ZNRF1: variants seen among roughly 807,000 people sequenced by gnomAD.
The protein encoded by ZNRF1 is E3 ubiquitin-protein ligase ZNRF1.
In ZNRF1, 3 loss-of-function variants were observed where a neutral mutation model predicts 18.4. The ratio of observed to expected loss-of-function variants is 0.16; its 90% CI spans 0.07 to 0.42. The LOEUF is 0.42. Among genes scored for constraint, ZNRF1 ranks in the 10% least tolerant of loss-of-function variants. The probability of loss-of-function intolerance (pLI) is 0.99; values close to 1 mark genes in which losing one functional copy is unlikely to be tolerated. For missense variants in ZNRF1, 310 were observed against 329.8 expected (o/e 0.94, Z 0.47); for synonymous variants, 157 against 144.2 (o/e 1.09, Z -0.64).
rs760266963 is a variant in ZNRF1, at chr16:74,999,859, C to T, written c.188C>T (p.Thr63Met). 13 of 1,511,324 alleles carry T rather than the reference C, an allele frequency of 8.6e-6. No homozygotes were observed. The highest frequency in any genetic ancestry group is 1.1e-5 in the Non-Finnish European group (12 of 1,134,126). The allele number at this position is 1,511,324 out of a possible 1,614,324, so 93.6% of individuals were successfully genotyped here. A position where few individuals can be genotyped will look rare whatever the true frequency, so the allele number is the denominator to read the frequency against. The change falls in exon 1 of 5, where the codon ACG becomes ATG. Residue 63 changes from threonine (T) to methionine (M), a missense_variant. This residue lies in a region of ZNRF1 where 293 missense variants were observed against 291.2 expected (regional missense o/e 1.01). Transcript: ENST00000335325. ...GCAGGCATGGGCATGGACCCCAGCA[C>T]GGCCGGGGGGGTGCCCTTTGGCCTC... ...SVAGMGMDPS[T>M]AGGVPFGLYT...
At chr16:75,070,491 C>T (rs2035857758) in intron 1 of ZNRF1, among the ~76,000 whole-genome samples, 1 of 152,206 alleles carries the variant, frequency 6.6e-6, no homozygotes, top group Admixed American at 6.5e-5. Context: ...TCTTTAGCAT[C>T]CACATCCACA....
intron 1 of ZNRF1, among the ~76,000 whole-genome samples, chr16:75,070,343 C>T (rs1286547578): frequency 6.6e-6 from 1 of 152,188 alleles, no homozygotes; most frequent in African/African-American, 2.4e-5. Context: ...TTCGACTCCT[C>T]CCAATCCATT....
intron 2 of ZNRF1, among the ~76,000 whole-genome samples, chr16:75,098,230 C>T (rs1022494853): frequency 3.9e-5 from 6 of 152,044 alleles, no homozygotes; most frequent in Admixed American, 1.3e-4. Flanking sequence ...GTATGAGGAG[C>T]GAAAGCGACT....
At chr16:75,004,821 G>A (rs2034897730) in intron 1 of ZNRF1, among the ~76,000 whole-genome samples, 1 of 152,066 alleles carries the variant, frequency 6.6e-6, no homozygotes, top group Non-Finnish European at 1.5e-5. Flanking sequence ...TCACTATGTT[G>A]CCTAGGCTGG....
At chr16:75,003,991 T>C (rs2034886754) in intron 1 of ZNRF1, among the ~76,000 whole-genome samples, 1 of 151,518 alleles carries the variant, frequency 6.6e-6, no homozygotes, top group Admixed American at 6.6e-5. Context: ...GACAGGGTCT[T>C]ATTCTGTCAC....
chr16:75,096,944 G>C (rs1400731208), intron 2 of ZNRF1, among the ~76,000 whole-genome samples: 1 of 152,120 alleles, frequency 6.6e-6, no homozygotes, highest in Non-Finnish European at 1.5e-5. Flanking sequence ...GGAAGTTTGG[G>C]AATGTGCTGA....
In ZNRF1 at chr16:75,107,784, G is replaced by A; in HGVS notation, c.*84G>A. 1 of 456,520 alleles carries A rather than the reference G, an allele frequency of 2.2e-6. No individual in the cohort carries two copies. The highest frequency in any genetic ancestry group is 1.5e-5 in the South Asian group (1 of 64,560). The allele number at this position is 456,520 out of a possible 1,614,324, so 28.3% of individuals were successfully genotyped here. On this transcript the variant is annotated 3_prime_UTR_variant, in exon 5 of 5. Coordinates refer to ENST00000335325, the MANE Select transcript of ZNRF1 (RefSeq NM_032268.5). Reference sequence around the variant, plus strand: ...GAGGCTCACCGGACCCTGGGGCAGAGCTGAGCTTGGGACACCAGCGGGAAC... The same window carrying A: ...GAGGCTCACCGGACCCTGGGGCAGAACTGAGCTTGGGACACCAGCGGGAAC...
intron 1 of ZNRF1, among the ~76,000 whole-genome samples, chr16:75,047,513 G>A (rs971038294): frequency 6.6e-5 from 10 of 152,212 alleles, no homozygotes; most frequent in Non-Finnish European, 1.3e-4. Flanking sequence ...CCACGTTTCC[G>A]TGGTTAGAAA....
At chr16:75,048,307 C>T (rs1252411262) in intron 1 of ZNRF1, among the ~76,000 whole-genome samples, 1 of 152,134 alleles carries the variant, frequency 6.6e-6, no homozygotes. Context: ...ACCCCGATGA[C>T]CTCATTTTTA....
chr16:75,097,107 G>A (rs371369982), intron 2 of ZNRF1, among the ~76,000 whole-genome samples: 15 of 152,252 alleles, frequency 9.9e-5, no homozygotes, highest in African/African-American at 1.7e-4. Context: ...GGATCAACCC[G>A]AATGGGCCTT....
chr16:75,057,427 A>C (rs1011553955), intron 1 of ZNRF1, among the ~76,000 whole-genome samples: 23 of 152,132 alleles, frequency 1.5e-4, no homozygotes, highest in African/African-American at 5.6e-4. Context: ...AAAGCTCCTT[A>C]AGAAGCAATT....
chr16:75,021,264 C>T (rs1238904676), intron 1 of ZNRF1, among the ~76,000 whole-genome samples: 1 of 152,130 alleles, frequency 6.6e-6, no homozygotes. Context: ...GTCTCAAACT[C>T]CTGACCTCAA....
chr16:75,044,835 A>G (rs957868911), intron 1 of ZNRF1, among the ~76,000 whole-genome samples: 1 of 152,262 alleles, frequency 6.6e-6, no homozygotes, highest in Non-Finnish European at 1.5e-5. Flanking sequence ...GTGAAGTAAC[A>G]TAATATGTTA....
At chr16:75,078,644 C>T (rs1447238068) in intron 1 of ZNRF1, among the ~76,000 whole-genome samples, 1 of 152,058 alleles carries the variant, frequency 6.6e-6, no homozygotes, top group Non-Finnish European at 1.5e-5. Context: ...GTTTCTGATG[C>T]CAATATTCTG....
At chr16:75,026,621 A>G (rs1050469274) in intron 1 of ZNRF1, among the ~76,000 whole-genome samples, 1 of 152,184 alleles carries the variant, frequency 6.6e-6, no homozygotes, top group Non-Finnish European at 1.5e-5. Context: ...AACAAAGTAG[A>G]TCGTAACAGT....
intron 1 of ZNRF1, among the ~76,000 whole-genome samples, chr16:75,046,383 C>G (rs957571128): frequency 2.0e-5 from 3 of 151,748 alleles, no homozygotes; most frequent in Admixed American, 2.0e-4. Context: ...TCCCAAGTAG[C>G]TGGGATTACA....
At chr16:75,061,802 C>G (rs536999029) in intron 1 of ZNRF1, among the ~76,000 whole-genome samples, 1 of 152,198 alleles carries the variant, frequency 6.6e-6, no homozygotes, top group Non-Finnish European at 1.5e-5. Flanking sequence ...CACAATGAGT[C>G]GTCTTGTCAG....
chr16:75,016,389 C>A (rs956777820), intron 1 of ZNRF1, among the ~76,000 whole-genome samples: 1 of 149,816 alleles, frequency 6.7e-6, no homozygotes, highest in African/African-American at 2.5e-5. Context: ...CAGGCACACG[C>A]CACCACACCC....
At chr16:75,106,328 T>C (rs1234570015) in intron 3 of ZNRF1, 154 bp from the exon 4 acceptor site, 1 of 698,568 alleles carries the variant, frequency 1.4e-6, no homozygotes, top group Non-Finnish European at 2.4e-6. Context: ...CTTCAGAAAG[T>C]AGGGATATCT....
Sources: allele counts gnomAD v4.1 joint callset (sites outside exome capture counted in the v4.1 genomes callset), GRCh38; gene constraint gnomAD v4.1.1; regional missense constraint gnomAD v4.1.1; transcripts MANE v1.5; gene names NCBI Gene and HGNC (gene_info 2026-07-23, HGNC 2026-07-21).